Variants in VRK1 observed in about 807,000 individuals in gnomAD.
The protein encoded by VRK1 is VRK serine/threonine kinase 1.
Under a neutral mutation model 57.1 loss-of-function variants are expected in VRK1, and 33 were observed. The observed-to-expected ratio is 0.58, with a 90% confidence interval of 0.44 to 0.77. VRK1 has a LOEUF of 0.77. Ranked by LOEUF, VRK1 falls within the 30% of genes least tolerant of loss-of-function variation. VRK1 has a pLI of 0.00. For synonymous variants in VRK1, 137 were observed against 147.8 expected (o/e 0.93, Z 0.53); for missense variants, 413 against 477.3 (o/e 0.87, Z 1.25).
chr14:96,872,110 C>T (rs1187307615), intron 11 of VRK1, among the ~76,000 whole-genome samples: 1 of 152,140 alleles, frequency 6.6e-6, no homozygotes, highest in Admixed American at 6.5e-5. Context: ...GGGCCTCTAG[C>T]AGGATATTTT....
intron 12 of VRK1, among the ~76,000 whole-genome samples, chr14:96,876,343 A>C (rs935941418): frequency 6.6e-6 from 1 of 152,160 alleles, no homozygotes; most frequent in Non-Finnish European, 1.5e-5. Context: ...TTCATTTTGC[A>C]GATTTGGAAC....
intron 5 of VRK1, among the ~76,000 whole-genome samples, chr14:96,847,817 G>T (rs1421720567): frequency 3.3e-5 from 5 of 152,224 alleles, no homozygotes; most frequent in Admixed American, 3.3e-4. Context: ...TAGCTGGTGA[G>T]TGAAAACAAA....
intron 12 of VRK1, among the ~76,000 whole-genome samples, chr14:96,880,211 A>G (rs2139855343): frequency 6.6e-6 from 1 of 152,374 alleles, no homozygotes; most frequent in East Asian, 1.9e-4. Flanking sequence ...CATGTTAAGT[A>G]ACTAAAACCC....
chr14:96,856,661 G>A (rs1888168089), intron 10 of VRK1, 75 bp downstream of exon 10: 4 of 1,290,424 alleles, frequency 3.1e-6, no homozygotes, highest in Non-Finnish European at 3.4e-6. Context: ...CCATGGAATA[G>A]CCCTTAATGT....
At chr14:96,841,921 A>G (rs754425036) in intron 3 of VRK1, among the ~76,000 whole-genome samples, 4 of 151,960 alleles carry the variant, frequency 2.6e-5, no homozygotes, top group Non-Finnish European at 4.4e-5. Context: ...TGTAACTTCT[A>G]TTTGCTTCTT....
chr14:96,846,687 A>C (rs545227948), intron 4 of VRK1, among the ~76,000 whole-genome samples: 7 of 151,628 alleles, frequency 4.6e-5, no homozygotes, highest in Non-Finnish European at 8.8e-5. Flanking sequence ...CCTCAGACTC[A>C]ACCAACCAGG....
intron 8 of VRK1, 114 bp from the exon 9 acceptor site, chr14:96,856,016 G>A: frequency 7.7e-7 from 1 of 1,292,620 alleles, no homozygotes; most frequent in Non-Finnish European, 1.1e-6. Context: ...AAAATTTTAT[G>A]ATGAAAAACA....
chr14:96,813,179 C>T (rs1453772007), intron 1 of VRK1, among the ~76,000 whole-genome samples: 1 of 152,206 alleles, frequency 6.6e-6, no homozygotes, highest in Admixed American at 6.5e-5. Context: ...TACAGTATCA[C>T]AATTGCTGTG....
intron 3 of VRK1, among the ~76,000 whole-genome samples, chr14:96,840,477 C>T (rs1461906273): frequency 1.3e-5 from 2 of 152,086 alleles, no homozygotes; most frequent in African/African-American, 4.8e-5. Context: ...TCTTCTTCTT[C>T]ATTTATGGAA....
intron 1 of VRK1, among the ~76,000 whole-genome samples, chr14:96,808,020 TGTGTG>T (rs1566683633): frequency 3.1e-5 from 1 of 31,818 alleles, no homozygotes; most frequent in East Asian, 0.011. Context: ...TCTCCCTCTG[TGTGTG>T]TGTGTGTGTG....
At chr14:96,807,805 T>C (rs1885940595) in intron 1 of VRK1, among the ~76,000 whole-genome samples, 1 of 152,198 alleles carries the variant, frequency 6.6e-6, no homozygotes, top group Admixed American at 6.5e-5. Context: ...AACTGCAACT[T>C]TTAAAGATAT....
At chr14:96,878,859 A>G (rs113908370) in intron 12 of VRK1, among the ~76,000 whole-genome samples, 1,918 of 152,300 alleles carry the variant, frequency 0.013, 28 homozygotes, top group Admixed American at 0.039. Flanking sequence ...TGGCATTTCA[A>G]AATCATGCCA....
chr14:96,878,601 A>C (rs1889130642), intron 12 of VRK1, among the ~76,000 whole-genome samples: 1 of 152,148 alleles, frequency 6.6e-6, no homozygotes, highest in Non-Finnish European at 1.5e-5. Context: ...GATACACCTA[A>C]ACTCATTTTG....
Position 96,881,314 on chromosome 14 carries a change from T to A in VRK1, c.*106T>A. 9.6e-7 allele frequency: 1 copy of A among 1,037,594 alleles called. No individual in the cohort carries two copies. Among genetic ancestry groups the A allele is most frequent in the Non-Finnish European group, 1.4e-6 (1 of 696,204 alleles). The allele number at this position is 1,037,594 out of a possible 1,614,324, so 64.3% of individuals were successfully genotyped here. A position where few individuals can be genotyped will look rare whatever the true frequency, so the allele number is the denominator to read the frequency against. On this transcript the variant is annotated 3_prime_UTR_variant, in exon 13 of 13. Transcript: ENST00000216639. The stretch of plus-strand genomic sequence containing the variant: ...TCCTGTGAGTCTTGCGAGGTGGAAG[T>A]AATGATTAAATACTCATGTGTTCAG...
chr14:96,808,768 T>G (rs1230220760), intron 1 of VRK1, among the ~76,000 whole-genome samples: 1 of 152,182 alleles, frequency 6.6e-6, no homozygotes, highest in African/African-American at 2.4e-5. Flanking sequence ...TAGTTGTGGT[T>G]ATCTATCCCT....
intron 1 of VRK1, among the ~76,000 whole-genome samples, chr14:96,803,806 T>C (rs187861205): frequency 6.6e-6 from 1 of 152,352 alleles, no homozygotes; most frequent in East Asian, 1.9e-4. Context: ...TGATTTCATG[T>C]GCTTATTTGC....
chr14:96,801,040 A>G (rs1472861862), intron 1 of VRK1, among the ~76,000 whole-genome samples: 1 of 152,168 alleles, frequency 6.6e-6, no homozygotes, highest in Non-Finnish European at 1.5e-5. Context: ...GAACACGAGC[A>G]GCCTCATTCC....
intron 1 of VRK1, among the ~76,000 whole-genome samples, chr14:96,799,728 A>G (rs1885582472): frequency 6.6e-6 from 1 of 152,164 alleles, no homozygotes; most frequent in South Asian, 2.1e-4. Context: ...GGTTCTGAGA[A>G]TGGATTGGTA....
intron 7 of VRK1, 25 bp from the exon 8 acceptor site, chr14:96,855,199 T>G: frequency 1.2e-6 from 2 of 1,613,888 alleles, no homozygotes; most frequent in South Asian, 2.2e-5. Context: ...GACTTTAGTT[T>G]GTCTTGGTGC....
Sources: gnomAD v4.1 joint callset for allele counts (sites outside exome capture counted in the v4.1 genomes callset) on GRCh38, gnomAD v4.1.1 for gene constraint, MANE v1.5 for transcripts, NCBI Gene and HGNC (gene_info 2026-07-23, HGNC 2026-07-21) for gene names.